ZFHX3: variants seen among roughly 807,000 people sequenced by gnomAD.
The protein encoded by ZFHX3 is zinc finger homeobox 3.
A neutral mutation model predicts 279.1 loss-of-function variants in ZFHX3; 42 were observed. That is an observed-to-expected ratio of 0.15 (90% CI 0.12 to 0.19). ZFHX3 has a LOEUF of 0.19. Ranked by LOEUF, ZFHX3 falls within the 10% of genes least tolerant of loss-of-function variation. The pLI is 1.00. For missense variants in ZFHX3, 4,981 were observed against 4,754.0 expected (o/e 1.05, Z -1.40); for synonymous variants, 2,293 against 1,957.8 (o/e 1.17, Z -4.52).
At chr16:73,708,806 G>C (rs1040699703) in intron 1 of ZFHX3, among the ~76,000 whole-genome samples, 1 of 152,180 alleles carries the variant, frequency 6.6e-6, no homozygotes, top group Admixed American at 6.5e-5. Flanking sequence ...CAGGAGCGGG[G>C]GATGTAGGTA....
intron 2 of ZFHX3, among the ~76,000 whole-genome samples, chr16:73,593,276 G>C (rs935349375): frequency 1.3e-5 from 2 of 151,862 alleles, no homozygotes; most frequent in Non-Finnish European, 2.9e-5. Context: ...ATTTCATGAG[G>C]CTAGCAAAAC....
intron 2 of ZFHX3, among the ~76,000 whole-genome samples, chr16:73,620,545 C>A (rs1289103211): frequency 1.3e-5 from 2 of 152,134 alleles, no homozygotes; most frequent in Admixed American, 1.3e-4. Context: ...AATGTGAACC[C>A]ACAGTGCTTT....
chr16:73,125,237 T>C (rs1213855942), intron 7 of ZFHX3: 1 of 125,374 alleles, frequency 8.0e-6, no homozygotes, highest in Non-Finnish European at 1.6e-5. Context: ...ACCTGCAGAA[T>C]ACTCATGGAG....
At chr16:73,382,944 T>C (rs573257508) in intron 3 of ZFHX3, among the ~76,000 whole-genome samples, 5 of 152,132 alleles carry the variant, frequency 3.3e-5, no homozygotes, top group African/African-American at 1.2e-4. Flanking sequence ...CAAGAAGACC[T>C]GTTGCAGTCT....
Position 72,796,293 on chromosome 16 carries a change from T to C in ZFHX3, c.6389A>G (p.Gln2130Arg). The C allele has an allele frequency of 6.2e-7, 1 of 1,614,042 alleles. No individual in the cohort carries two copies. The highest frequency in any genetic ancestry group is 8.5e-7 in the Non-Finnish European group (1 of 1,180,010). The change falls in exon 9 of 10, where the codon CAA becomes CGA. Residue 2130 changes from glutamine (Q) to arginine (R), a missense_variant. Gln to Arg is a conservative substitution (Grantham distance 43). Around this residue, in one of 7 missense-constraint regions of ZFHX3, gnomAD observed 1,751 missense variants for 1,770.0 expected, o/e 0.99. Coordinates refer to ENST00000268489, the MANE Select transcript of ZFHX3 (RefSeq NM_006885.4). ...PVEPLPADLA[Q>R]LYQHQLNPTL... ...TGGATTGAGCTGATGCTGGTAGAGT[T>C]GGGCCAGGTCCGCAGGCAGAGGCTC... is the stretch of plus-strand genomic sequence containing the variant.
At chr16:73,798,373 T>C (rs1960054541) in intron 1 of ZFHX3, among the ~76,000 whole-genome samples, 1 of 150,430 alleles carries the variant, frequency 6.6e-6, no homozygotes, top group Admixed American at 6.7e-5. Flanking sequence ...GTTAACAAGG[T>C]GGGGGGTAGC....
At chr16:73,253,890 A>G (rs1251855228) in intron 5 of ZFHX3, among the ~76,000 whole-genome samples, 1 of 152,160 alleles carries the variant, frequency 6.6e-6, no homozygotes, top group Non-Finnish European at 1.5e-5. Context: ...CTTAAAAGGC[A>G]GGTTAGAAAT....
intron 2 of ZFHX3, among the ~76,000 whole-genome samples, chr16:73,607,169 C>T (rs938928543): frequency 6.6e-6 from 1 of 152,198 alleles, no homozygotes; most frequent in African/African-American, 2.4e-5. Context: ...GCCGGGATCA[C>T]AGGCACCTAC....
At chr16:73,832,691 G>T (rs1961031008) in intron 1 of ZFHX3, among the ~76,000 whole-genome samples, 1 of 152,078 alleles carries the variant, frequency 6.6e-6, no homozygotes, top group Non-Finnish European at 1.5e-5. Context: ...GGGATTACAG[G>T]CATGAGCCAC....
At chr16:73,280,264 AC>A (rs2014423684) in intron 4 of ZFHX3, among the ~76,000 whole-genome samples, 1 of 152,234 alleles carries the variant, frequency 6.6e-6, no homozygotes, top group African/African-American at 2.4e-5. Flanking sequence ...ACTCTATCAA[AC>A]TAAAATGCTT....
chr16:73,311,894 G>A (rs2015337359), intron 4 of ZFHX3, among the ~76,000 whole-genome samples: 1 of 152,112 alleles, frequency 6.6e-6, no homozygotes, highest in Non-Finnish European at 1.5e-5. Context: ...ATGTAAAAAG[G>A]GTGTGAGTCA....
Position 72,793,054 on chromosome 16 carries a change from C to T in ZFHX3, c.9427+201G>A, listed in dbSNP as rs2035766983. 1.3e-5 allele frequency among the ~76,000 whole-genome samples: 2 copies of T among 152,200 alleles called. No individual in the cohort carries two copies. Among genetic ancestry groups the T allele is most frequent in the Non-Finnish European group, 2.9e-5 (2 of 68,044 alleles). On this transcript the variant is annotated intron_variant, in intron 9 of 9. Transcript: ENST00000268489. The surrounding 1 kb of genome is among the most constrained non-coding windows in gnomAD (Gnocchi z 4.3). ...AAGAGTGGTTTCAAAGGAGACTGTT[C>T]CGACCAGGAGGTCCCATCCCTGACA...
chr16:73,059,388 A>ACG (rs1965647860), exon 1 of ZFHX3: 1 of 151,164 alleles, frequency 6.6e-6, no homozygotes, highest in Non-Finnish European at 1.5e-5. Context: ...ACACACACAC[A>ACG]CACACACACG....
At chr16:73,490,369 T>C (rs1042866557) in intron 2 of ZFHX3, among the ~76,000 whole-genome samples, 8 of 152,238 alleles carry the variant, frequency 5.3e-5, no homozygotes, top group African/African-American at 1.9e-4. Flanking sequence ...AACGTTTTAA[T>C]GGCATAAAAA....
At chr16:72,980,271 T>A (rs576947159) in intron 1 of ZFHX3, among the ~76,000 whole-genome samples, 1 of 152,138 alleles carries the variant, frequency 6.6e-6, no homozygotes, top group Non-Finnish European at 1.5e-5. Context: ...GCTGGCTGGA[T>A]GGGTAGGGGC....
Position 73,549,312 on chromosome 16 carries a change from T to G in ZFHX3, c.-1546-93054A>C, listed in dbSNP as rs574369854. 8.7e-4 allele frequency among the ~76,000 whole-genome samples: 133 copies of G among 152,268 alleles called. 5 individuals carry two copies. The South Asian group carries it at 0.026, about 30-fold the overall frequency. ...CTTAAACATTTTAGTCCACTTATTT[T>G]CAGGTATTTCAAATATATTTAAAAT... On this transcript the variant is annotated intron_variant, in intron 2 of 17. Coordinates refer to the ZFHX3 transcript ENST00000641206.
chr16:73,769,090 T>C (rs1012709525), intron 1 of ZFHX3, among the ~76,000 whole-genome samples: 1 of 152,186 alleles, frequency 6.6e-6, no homozygotes, highest in Admixed American at 6.5e-5. Context: ...CCTGTATTTT[T>C]ACTTGCTGAA....
In ZFHX3 at chr16:73,242,186, A is replaced by G. The variant is rs142319805; in HGVS notation, c.-1104+14861T>C. Among the ~76,000 whole-genome samples, 1,170 of 152,286 alleles carry G rather than the reference A, an allele frequency of 7.7e-3. 21 individuals are homozygous for G. Among genetic ancestry groups the G allele is most frequent in the African/African-American group, 0.027 (1,122 of 41,558 alleles). ...CAACTTCCTTACTTTATAGAGGAGAAAGTAGGCTGAGTGGGGTCCAACCAG... is the reference window on the plus strand; with the variant it reads ...CAACTTCCTTACTTTATAGAGGAGAGAGTAGGCTGAGTGGGGTCCAACCAG... On this transcript the variant is annotated intron_variant, in intron 5 of 17. Transcript: ENST00000641206.
At chr16:73,769,741 A>T (rs1205359083) in intron 1 of ZFHX3, among the ~76,000 whole-genome samples, 1 of 152,230 alleles carries the variant, frequency 6.6e-6, no homozygotes, top group East Asian at 1.9e-4. Flanking sequence ...TTGACATATC[A>T]ACAACCCAGT....
Sources: gnomAD v4.1 joint callset for allele counts (sites outside exome capture counted in the v4.1 genomes callset) on GRCh38, gnomAD v4.1.1 for gene constraint, gnomAD v4.1.1 regional missense constraint, Gnocchi (gnomAD v3.1) non-coding constraint, MANE v1.5 for transcripts, NCBI Gene and HGNC (gene_info 2026-07-23, HGNC 2026-07-21) for gene names.